The following PLA2R1 variants were observed in gnomAD, a reference collection of about 807,000 sequenced individuals.
PLA2R1 encodes phospholipase A2 receptor 1, also known as secretory phospholipase A2 receptor.
A neutral mutation model predicts 195.9 loss-of-function variants in PLA2R1; 158 were observed. That is an observed-to-expected ratio of 0.81 (90% CI 0.71 to 0.92). The LOEUF is 0.92. Among genes scored for constraint, PLA2R1 ranks in the 40% least tolerant of loss-of-function variants. PLA2R1 has a pLI of 0.00. For synonymous variants in PLA2R1, 586 were observed against 598.2 expected, an observed-to-expected ratio of 0.98 and a Z score of 0.30; for missense variants, 1,626 against 1,764.6, an observed-to-expected ratio of 0.92 and a Z score of 1.41.
chr2:159,959,593 G>A (rs1162576747), intron 20 of PLA2R1, among the ~76,000 whole-genome samples: 1 of 152,080 alleles, frequency 6.6e-6, no homozygotes, highest in Non-Finnish European at 1.5e-5. Flanking sequence ...TTCTAAATGG[G>A]TTTTCAATAT....
Position 159,955,237 on chromosome 2 carries a change from CCA to C in PLA2R1, c.3261_3262del (p.Cys1087TrpfsTer10), listed in dbSNP as rs1447998371. The C allele has an allele frequency of 5.6e-6, 9 of 1,610,988 alleles. No individual in the cohort carries two copies. The highest frequency in any genetic ancestry group is 7.6e-6 in the Non-Finnish European group (9 of 1,178,428). On this transcript the variant is annotated frameshift_variant, in exon 23 of 30. Coordinates refer to ENST00000283243, the MANE Select transcript of PLA2R1 (RefSeq NM_007366.5). LOFTEE classifies it high-confidence loss of function. ...ACAAACAAACCCATAGCCTTCCTTT[CCA>C]CAGTCTTCAAAATACCATTTTCCAG... is the stretch of plus-strand genomic sequence containing the variant.
intron 1 of PLA2R1, among the ~76,000 whole-genome samples, chr2:160,048,889 G>A: frequency 7.1e-6 from 1 of 140,858 alleles, no homozygotes. Context: ...CACCCAGGCT[G>A]GAGTGCAGTG....
chr2:159,979,992 C>CA, intron 13 of PLA2R1, 78 bp from the exon 14 acceptor site: 1 of 790,422 alleles, frequency 1.3e-6, no homozygotes, highest in Non-Finnish European at 2.2e-6. Flanking sequence ...AAAATACCAG[C>CA]ATGGCACATG....
At chr2:159,948,642 C>CAAAA (rs56329076) in intron 25 of PLA2R1, among the ~76,000 whole-genome samples, 11 of 95,768 alleles carry the variant, frequency 1.1e-4, no homozygotes, top group Admixed American at 1.2e-4. Context: ...CAAGTGCTAA[C>CAAAA]AAAAAAAAAA....
intron 8 of PLA2R1, among the ~76,000 whole-genome samples, chr2:160,017,042 G>A (rs1178333762): frequency 6.6e-6 from 1 of 152,142 alleles, no homozygotes; most frequent in Non-Finnish European, 1.5e-5. Context: ...AGTGAGGTAG[G>A]GATTATAATT....
intron 20 of PLA2R1, among the ~76,000 whole-genome samples, chr2:159,960,727 A>G (rs188662371): frequency 3.9e-5 from 6 of 152,326 alleles, no homozygotes; most frequent in Non-Finnish European, 7.4e-5. Flanking sequence ...AACCTCTGTT[A>G]CATTATCAAA....
chr2:160,014,771 T>G (rs1046517364), intron 9 of PLA2R1, among the ~76,000 whole-genome samples: 14 of 152,148 alleles, frequency 9.2e-5, no homozygotes, highest in African/African-American at 3.4e-4. Context: ...CCATCTAGGA[T>G]CTGCTCTGAA....
At chr2:159,950,016 C>T (rs972208675) in intron 24 of PLA2R1, among the ~76,000 whole-genome samples, 6 of 152,098 alleles carry the variant, frequency 3.9e-5, no homozygotes, top group African/African-American at 1.4e-4. Flanking sequence ...GAGCAATCGG[C>T]GTGAAATTGG....
At chr2:159,994,507 T>C (rs1018791670) in intron 11 of PLA2R1, among the ~76,000 whole-genome samples, 9 of 152,142 alleles carry the variant, frequency 5.9e-5, no homozygotes, top group Non-Finnish European at 1.2e-4. Context: ...TTTATAATGA[T>C]AGGCAATTAT....
chr2:159,969,481 A>G, intron 18 of PLA2R1, 122 bp from the exon 19 acceptor site: 1 of 565,406 alleles, frequency 1.8e-6, no homozygotes, highest in South Asian at 2.6e-5. Flanking sequence ...TAAAAAATAT[A>G]CTCATATGTA....
chr2:159,969,976 G>T (rs1689047834), intron 18 of PLA2R1, among the ~76,000 whole-genome samples, 172 bp downstream of exon 18: 1 of 152,160 alleles, frequency 6.6e-6, no homozygotes, highest in African/African-American at 2.4e-5. Context: ...TGTCGGGATG[G>T]TTTCATAAGC....
intron 3 of PLA2R1, among the ~76,000 whole-genome samples, chr2:160,036,478 C>G (rs551579036): frequency 6.6e-6 from 1 of 152,272 alleles, no homozygotes; most frequent in African/African-American, 2.4e-5. Context: ...GCCCCTACCC[C>G]AGACTTGGTG....
At chr2:160,045,283 GTT>G in intron 1 of PLA2R1, 126 bp from the exon 2 acceptor site, 1 of 721,564 alleles carries the variant, frequency 1.4e-6, no homozygotes, top group South Asian at 1.9e-5. Flanking sequence ...CAGATCTGGA[GTT>G]GTTGGGCAGG....
chr2:159,956,516 C>CCA lies in PLA2R1; in HGVS notation c.3014_3015dup (p.Glu1006TrpfsTer8). The CCA allele has an allele frequency of 6.3e-7, 1 of 1,586,738 alleles. No individual in the cohort carries two copies. The highest frequency in any genetic ancestry group is 8.7e-7 in the Non-Finnish European group (1 of 1,154,964). On this transcript the variant is annotated frameshift_variant, in exon 21 of 30. Transcript: ENST00000283243. LOFTEE classifies it high-confidence loss of function. ...TGGATCTTGAGTACTCTACCTTGCT[C>CCA]CACCTCACTTTCAATGGCGACCAGG... is the stretch of plus-strand genomic sequence containing the variant.
chr2:159,987,136 C>T lies in PLA2R1; in HGVS notation c.2037+20G>A. On this transcript the variant is annotated intron_variant, in intron 12 of 29. Coordinates refer to ENST00000283243, the MANE Select transcript of PLA2R1 (RefSeq NM_007366.5). Reference sequence around the variant, plus strand: ...ATAGTGTTGGTCCTGTTAAGAATGTCCATGTAACCTTGGTATCACCTTGAA... The same window carrying T: ...ATAGTGTTGGTCCTGTTAAGAATGTTCATGTAACCTTGGTATCACCTTGAA... 1 of 1,559,258 alleles carries T rather than the reference C, an allele frequency of 6.4e-7. No individual in the cohort carries two copies. Among genetic ancestry groups the T allele is most frequent in the Non-Finnish European group, 8.8e-7 (1 of 1,130,332 alleles).
chr2:160,002,452 A>AAT (rs1691668649), intron 11 of PLA2R1, among the ~76,000 whole-genome samples: 1 of 152,022 alleles, frequency 6.6e-6, no homozygotes, highest in Non-Finnish European at 1.5e-5. Context: ...AACACTCTCC[A>AAT]ATTCATTCTA....
At chr2:160,032,921 A>C (rs1693946756) in intron 4 of PLA2R1, 38 bp downstream of exon 4, 1 of 1,350,952 alleles carries the variant, frequency 7.4e-7, no homozygotes, top group African/African-American at 1.5e-5. Flanking sequence ...ACCATCTTTT[A>C]TTGTATCAAT....
At chr2:159,942,028 T>C in intron 29 of PLA2R1, 36 bp from the exon 30 acceptor site, 3 of 1,580,910 alleles carry the variant, frequency 1.9e-6, no homozygotes, top group Middle Eastern at 1.7e-4. Flanking sequence ...AAAGAAAAAC[T>C]TCAGTGGCGA....
rs543460778 is a variant in PLA2R1 at position 159,934,366 on chromosome 2, T to A, written c.*7412A>T. The A allele has an allele frequency of 1.3e-5, 2 of 152,342 alleles. No homozygotes were observed. The highest frequency in any genetic ancestry group is 4.1e-4 in the South Asian group (2 of 4,828). The allele number at this position is 152,342 out of a possible 1,614,324, so 9.4% of individuals were successfully genotyped here. ...TGAGCATGGCCTGCAGCAAGACGTG[T>A]CTGGCTCCTAATCCTACAGCGGATG... On this transcript the variant is annotated 3_prime_UTR_variant, in exon 30 of 30. Transcript: ENST00000283243.
Sources: allele counts gnomAD v4.1 joint callset (sites outside exome capture counted in the v4.1 genomes callset), GRCh38; gene constraint gnomAD v4.1.1; transcripts MANE v1.5; gene names NCBI Gene and HGNC (gene_info 2026-07-23, HGNC 2026-07-21).